AGBL4: variants seen among roughly 807,000 people sequenced by gnomAD.
The protein encoded by AGBL4 is cytosolic carboxypeptidase 6.
AGBL4 carries 58 observed loss-of-function variants against 66.4 expected under a neutral mutation model. That is an observed-to-expected ratio of 0.87 (90% CI 0.71 to 1.09). The LOEUF (loss-of-function observed/expected upper bound fraction) is 1.09. AGBL4 is among the 50% of genes least tolerant of loss of function. AGBL4 has a pLI of 0.00. For missense variants in AGBL4, 579 were observed against 631.0 expected (o/e 0.92, Z 0.88); for synonymous variants, 234 against 222.9 (o/e 1.05, Z -0.44).
intron 3 of AGBL4, among the ~76,000 whole-genome samples, chr1:49,650,363 C>T (rs1405493955): frequency 6.6e-6 from 1 of 152,166 alleles, no homozygotes; most frequent in African/African-American, 2.4e-5. Context: ...TTTCTTTGCT[C>T]CCCTCACCGC....
intron 3 of AGBL4, among the ~76,000 whole-genome samples, chr1:49,387,268 C>T (rs997554560): frequency 2.0e-5 from 3 of 151,826 alleles, no homozygotes; most frequent in Non-Finnish European, 2.9e-5. Flanking sequence ...AATAGCTTTA[C>T]ATGCAAAAAT....
At chr1:49,076,458 T>C (rs958206789) in intron 4 of AGBL4, among the ~76,000 whole-genome samples, 1 of 152,234 alleles carries the variant, frequency 6.6e-6, no homozygotes, top group Non-Finnish European at 1.5e-5. Flanking sequence ...ACATTCACTA[T>C]TGAGTGCATT....
At chr1:49,569,606 T>G (rs1189647711) in intron 3 of AGBL4, among the ~76,000 whole-genome samples, 1 of 152,200 alleles carries the variant, frequency 6.6e-6, no homozygotes, top group East Asian at 1.9e-4. Flanking sequence ...TTATATAAAT[T>G]TATTGGGTAC....
downstream of AGBL4, among the ~76,000 whole-genome samples, chr1:48,528,445 T>C (rs749911067): frequency 3.3e-5 from 5 of 152,166 alleles, no homozygotes; most frequent in Non-Finnish European, 7.4e-5. Context: ...GGGGAACAAG[T>C]AAATTTTAAG....
At position 49,730,918 on chromosome 1, in the gene AGBL4, G is replaced by T. The variant is rs550294780; in HGVS notation, c.158-33481C>A. The stretch of plus-strand genomic sequence containing the variant: ...AATATTTATTAATGAATGAAGGTAA[G>T]TATACTGAATATCTTCCATTTGTCC... On this transcript the variant is annotated intron_variant, in intron 2 of 13. Transcript: ENST00000371839. Among the ~76,000 whole-genome samples the T allele has an allele frequency of 7.2e-4, 109 of 152,326 alleles. 1 individual carries two copies. Among genetic ancestry groups the T allele is most frequent in the Non-Finnish European group, 1.4e-3 (96 of 68,022 alleles).
intron 3 of AGBL4, among the ~76,000 whole-genome samples, chr1:49,561,233 T>C (rs1382121670): frequency 6.6e-6 from 1 of 150,898 alleles, no homozygotes; most frequent in East Asian, 2.0e-4. Flanking sequence ...TGTAGAGCTT[T>C]TTTAAGTTTT....
chr1:48,649,950 T>C (rs184524346), intron 8 of AGBL4, among the ~76,000 whole-genome samples: 3 of 152,352 alleles, frequency 2.0e-5, no homozygotes, highest in African/African-American at 7.2e-5. Flanking sequence ...CCCAAGGTCA[T>C]ATAGCAAGTA....
chr1:49,066,254 T>G (rs897505843), intron 4 of AGBL4, among the ~76,000 whole-genome samples: 1 of 152,122 alleles, frequency 6.6e-6, no homozygotes, highest in Admixed American at 6.5e-5. Flanking sequence ...TGACACTTCT[T>G]AAAAATGAGT....
At chr1:49,688,640 A>T (rs1646829829) in intron 3 of AGBL4, among the ~76,000 whole-genome samples, 2 of 152,100 alleles carry the variant, frequency 1.3e-5, no homozygotes, top group South Asian at 2.1e-4. Flanking sequence ...ATTTTTGAAA[A>T]AGGTCCAAAA....
chr1:49,740,350 C>G (rs978107832), intron 2 of AGBL4, among the ~76,000 whole-genome samples: 1 of 152,198 alleles, frequency 6.6e-6, no homozygotes. Flanking sequence ...GAAGAGCTAA[C>G]TATCCTAAAT....
chr1:48,846,147 A>G (rs956462863), intron 6 of AGBL4, among the ~76,000 whole-genome samples: 3 of 152,064 alleles, frequency 2.0e-5, no homozygotes, highest in African/African-American at 7.2e-5. Context: ...TTCAGGCCCA[A>G]AACACATCAT....
chr1:48,829,048 GT>G (rs1262893284), intron 6 of AGBL4, among the ~76,000 whole-genome samples: 1 of 152,162 alleles, frequency 6.6e-6, no homozygotes, highest in African/African-American at 2.4e-5. Flanking sequence ...TGGAACTAGA[GT>G]GTCCAAGGTC....
chr1:49,702,384 G>A (rs567896791), intron 2 of AGBL4, among the ~76,000 whole-genome samples: 3 of 152,062 alleles, frequency 2.0e-5, no homozygotes, highest in East Asian at 3.9e-4. Context: ...CCAGCTACTC[G>A]GGAGGCTGAG....
chr1:49,457,091 G>C (rs752619676), intron 3 of AGBL4, among the ~76,000 whole-genome samples: 1 of 151,748 alleles, frequency 6.6e-6, no homozygotes. Flanking sequence ...TAGATACCTA[G>C]TAGTGGGATT....
At chr1:49,825,920 G>C (rs549251599) in intron 2 of AGBL4, among the ~76,000 whole-genome samples, 1 of 151,528 alleles carries the variant, frequency 6.6e-6, no homozygotes, top group East Asian at 1.9e-4. Context: ...ACATACTAAA[G>C]AACTCAAACA....
chr1:49,652,993 G>A (rs1646040319), intron 3 of AGBL4, among the ~76,000 whole-genome samples: 1 of 152,086 alleles, frequency 6.6e-6, no homozygotes, highest in Admixed American at 6.5e-5. Flanking sequence ...GTGGGTCCCT[G>A]ATCCCACTCC....
rs567053528 is a variant in AGBL4, at chr1:49,409,354, T to C, written c.283-163490A>G. The stretch of plus-strand genomic sequence containing the variant: ...GGGGAAGAAATTAATCAGAAAGTGA[T>C]ACTTTTAGTGAGATCCTGATCAATA... On this transcript the variant is annotated intron_variant, in intron 3 of 13. Coordinates refer to ENST00000371839, the MANE Select transcript of AGBL4 (RefSeq NM_032785.4). Among the ~76,000 whole-genome samples the C allele has an allele frequency of 3.9e-5, 6 of 152,306 alleles. No individual in the cohort carries two copies. In the East Asian group the frequency reaches 1.2e-3, roughly 29 times the overall value.
intron 3 of AGBL4, among the ~76,000 whole-genome samples, chr1:49,322,167 G>C (rs1645143496): frequency 6.6e-6 from 1 of 152,224 alleles, no homozygotes; most frequent in Non-Finnish European, 1.5e-5. Flanking sequence ...AGCATAGCTA[G>C]TTTTAGTTTT....
chr1:49,261,003 T>C (rs1570258614), intron 3 of AGBL4, among the ~76,000 whole-genome samples: 1 of 151,636 alleles, frequency 6.6e-6, no homozygotes, highest in Non-Finnish European at 1.5e-5. Flanking sequence ...GCTGGTTCAA[T>C]ATATGCCAAT....
Sources: allele counts gnomAD v4.1 joint callset (sites outside exome capture counted in the v4.1 genomes callset), GRCh38; gene constraint gnomAD v4.1.1; transcripts MANE v1.5; gene names NCBI Gene and HGNC (gene_info 2026-07-23, HGNC 2026-07-21).